SNX30: variants seen among roughly 807,000 people sequenced by gnomAD.
SNX30 encodes sorting nexin-30.
In SNX30, 24 loss-of-function variants were observed where a neutral mutation model predicts 46.4. The observed-to-expected ratio is 0.52, with a 90% CI of 0.37 to 0.73. The LOEUF is 0.73. Ranked by LOEUF, SNX30 falls within the 30% of genes least tolerant of loss-of-function variation. SNX30 has a pLI of 0.00. For synonymous variants in SNX30, 189 were observed against 211.5 expected (o/e 0.89, Z 0.92); for missense variants, 533 against 555.7 (o/e 0.96, Z 0.41).
chr9:112,855,136 G>A (rs1159102628), intron 7 of SNX30, among the ~76,000 whole-genome samples: 2 of 152,212 alleles, frequency 1.3e-5, no homozygotes, highest in Admixed American at 6.5e-5. Flanking sequence ...TGGATGCTGA[G>A]GAAATGAGCA....
In SNX30 at chr9:112,830,855, A is replaced by T; in HGVS notation, c.590A>T (p.Glu197Val). Reference protein sequence around the residue: ...ITDHPVLSFNEHFNIFLTAKD... With the variant: ...ITDHPVLSFNVHFNIFLTAKD... The stretch of plus-strand genomic sequence containing the variant: ...GACCATCCTGTGCTGTCTTTCAATG[A>T]ACACTTTAATATTTTCCTTACTGCT... The change falls in exon 4 of 9, where the codon GAA (glutamate) becomes GTA (valine). Residue 197 changes from glutamate to valine, a missense_variant. Glu to Val is a moderately radical substitution (Grantham distance 121). Coordinates refer to ENST00000374232, the MANE Select transcript of SNX30 (RefSeq NM_001012994.2). 6.2e-7 allele frequency: 1 copy of T among 1,612,978 alleles called. No homozygotes were observed. The highest frequency in any genetic ancestry group is 8.5e-7 in the Non-Finnish European group (1 of 1,179,698).
intron 3 of SNX30, among the ~76,000 whole-genome samples, chr9:112,829,370 T>A (rs1226463225): frequency 6.6e-6 from 1 of 152,206 alleles, no homozygotes; most frequent in Non-Finnish European, 1.5e-5. Context: ...CTTGCCAGCC[T>A]AAGCTATCCT....
At position 112,870,300 on chromosome 9, in the gene SNX30, C is replaced by G. The variant is rs1223782545; in HGVS notation, c.*1457C>G. On this transcript the variant is annotated 3_prime_UTR_variant, in exon 9 of 9. Transcript: ENST00000374232. Reference sequence around the variant, plus strand: ...TTTTTGTTGTTTATTTTTAATGAAACAGCTGTGTTAAGGCGCTGCTTCAGA... The same window carrying G: ...TTTTTGTTGTTTATTTTTAATGAAAGAGCTGTGTTAAGGCGCTGCTTCAGA... 1 of 151,976 alleles carries G rather than the reference C, an allele frequency of 6.6e-6. No individual in the cohort carries two copies. The highest frequency in any genetic ancestry group is 1.5e-5 in the Non-Finnish European group (1 of 68,018). 9.4% of individuals were successfully genotyped at this position (151,976 alleles called of 1,614,324 possible).
At chr9:112,866,402 C>A (rs1254470152) in intron 8 of SNX30, 4 of 469,838 alleles carry the variant, frequency 8.5e-6, no homozygotes, top group Non-Finnish European at 1.8e-5. Context: ...CGCAAAGTCC[C>A]TGGGGCAGGA....
At chr9:112,867,352 A>C (rs1423116481) in intron 8 of SNX30, among the ~76,000 whole-genome samples, 10 of 103,664 alleles carry the variant, frequency 9.6e-5, no homozygotes, top group South Asian at 3.3e-4. Context: ...AACTCTTCCC[A>C]CCTCCTCAGA....
chr9:112,779,880 G>A (rs1315869122), intron 1 of SNX30, among the ~76,000 whole-genome samples: 1 of 152,146 alleles, frequency 6.6e-6, no homozygotes, highest in Non-Finnish European at 1.5e-5. Context: ...CGAAATGGGA[G>A]CTCTGAGGGG....
Position 112,751,149 on chromosome 9 carries a change from G to T in SNX30, c.148G>T (p.Gly50Cys). The change falls in exon 1 of 9, where the codon GGT (glycine) becomes TGT (cysteine). Residue 50 changes from glycine (G) to cysteine (C), a missense_variant. Transcript: ENST00000374232. Reference sequence around the variant, plus strand: ...GGACCTGCTGATGGCCCGCAGCTTCGGTGACAAGGTGGGGCGCCTGGGGCC... The same window carrying T: ...GGACCTGCTGATGGCCCGCAGCTTCTGTGACAAGGTGGGGCGCCTGGGGCC... ...SPDLLMARSF[G>C]DKDLILPNGG... 6.6e-7 allele frequency: 1 copy of T among 1,515,928 alleles called. No individual in the cohort carries two copies. Among genetic ancestry groups the T allele is most frequent in the South Asian group, 1.2e-5 (1 of 80,458 alleles). The allele number at this position is 1,515,928 out of a possible 1,614,324, so 93.9% of individuals were successfully genotyped here.
chr9:112,796,837 C>T (rs534967401), intron 1 of SNX30, among the ~76,000 whole-genome samples: 5 of 152,070 alleles, frequency 3.3e-5, no homozygotes, highest in Admixed American at 6.6e-5. Context: ...CCAGATGTCC[C>T]GTCATCAGCT....
intron 1 of SNX30, among the ~76,000 whole-genome samples, chr9:112,787,916 C>T (rs1319005085): frequency 1.3e-5 from 2 of 151,988 alleles, no homozygotes; most frequent in East Asian, 3.9e-4. Context: ...TCTGTCTCAG[C>T]CTCCCGAGTA....
chr9:112,764,022 T>C (rs1424322435), intron 1 of SNX30, among the ~76,000 whole-genome samples: 1 of 152,158 alleles, frequency 6.6e-6, no homozygotes, highest in Non-Finnish European at 1.5e-5. Flanking sequence ...CTCCACCCTT[T>C]CGAGTCTCCT....
intron 1 of SNX30, among the ~76,000 whole-genome samples, chr9:112,779,481 G>T (rs1054913688): frequency 2.0e-5 from 3 of 152,164 alleles, no homozygotes; most frequent in African/African-American, 7.2e-5. Flanking sequence ...CAGATCACTT[G>T]AGGTCAGGAG....
rs548922747 is a variant in SNX30, at chr9:112,778,101, G to A, written c.157-26675G>A. On this transcript the variant is annotated intron_variant, in intron 1 of 8. Coordinates refer to ENST00000374232, the MANE Select transcript of SNX30 (RefSeq NM_001012994.2). Reference sequence around the variant, plus strand: ...TCACTTGTGGCCACAGTTGACTGGAGTGCCTATGTGTGACATCACCATGTG... The same window carrying A: ...TCACTTGTGGCCACAGTTGACTGGAATGCCTATGTGTGACATCACCATGTG... 1.2e-3 allele frequency among the ~76,000 whole-genome samples: 179 copies of A among 152,150 alleles called. 1 individual carries two copies. The highest frequency in any genetic ancestry group is 4.0e-3 in the African/African-American group (168 of 41,518).
chr9:112,834,887 C>CACACACACACACA (rs1564285863), intron 4 of SNX30, among the ~76,000 whole-genome samples: 1 of 148,096 alleles, frequency 6.8e-6, no homozygotes, highest in African/African-American at 2.5e-5. Context: ...CACACACCTA[C>CACACACACACACA]CTCAATAGGA....
intron 2 of SNX30, among the ~76,000 whole-genome samples, chr9:112,813,089 C>T (rs1242778638): frequency 6.6e-6 from 1 of 152,060 alleles, no homozygotes; most frequent in Admixed American, 6.6e-5. Context: ...GTGGAGGTTG[C>T]AGTGAGCCGA....
intron 6 of SNX30, among the ~76,000 whole-genome samples, chr9:112,850,075 G>A (rs566338911): frequency 6.6e-6 from 1 of 152,302 alleles, no homozygotes; most frequent in South Asian, 2.1e-4. Context: ...TTCACTGTCA[G>A]GTGCCAACCT....
At chr9:112,758,837 C>G (rs947918429) in intron 1 of SNX30, among the ~76,000 whole-genome samples, 1 of 151,170 alleles carries the variant, frequency 6.6e-6, no homozygotes, top group Non-Finnish European at 1.5e-5. Flanking sequence ...ATAGTGAGAC[C>G]TTGTCTCTGT....
At chr9:112,793,103 A>T (rs879270550) in intron 1 of SNX30, among the ~76,000 whole-genome samples, 11 of 152,088 alleles carry the variant, frequency 7.2e-5, no homozygotes, top group Non-Finnish European at 1.3e-4. Context: ...CAGACCTGCT[A>T]TTTGCCCCCA....
chr9:112,826,428 T>A (rs771353423), intron 3 of SNX30, among the ~76,000 whole-genome samples: 1 of 152,110 alleles, frequency 6.6e-6, no homozygotes, highest in Non-Finnish European at 1.5e-5. Context: ...GGAGAAGATA[T>A]AAGGTCAAGG....
chr9:112,825,642 T>A (rs1840569683), intron 3 of SNX30, among the ~76,000 whole-genome samples: 1 of 151,994 alleles, frequency 6.6e-6, no homozygotes. Flanking sequence ...TATATAGACA[T>A]TCTACCTGTA....
Sources: allele counts gnomAD v4.1 joint callset (sites outside exome capture counted in the v4.1 genomes callset), GRCh38; gene constraint gnomAD v4.1.1; transcripts MANE v1.5; gene names NCBI Gene and HGNC (gene_info 2026-07-23, HGNC 2026-07-21).